Variants in RAB10 observed in about 807,000 individuals in gnomAD.
RAB10 encodes the protein RAB10, member RAS oncogene family, also known as ras-related protein Rab-10.
A neutral mutation model predicts 25.7 loss-of-function variants in RAB10; 5 were observed. The ratio of observed to expected loss-of-function variants is 0.19; its 90% CI spans 0.10 to 0.41. The LOEUF (loss-of-function observed/expected upper bound fraction) is 0.41, where lower values mean the gene tolerates loss of function less well. RAB10 is among the 10% of genes least tolerant of loss of function. The pLI is 1.00. For synonymous variants in RAB10, 89 were observed against 86.4 expected (o/e 1.03, Z -0.16); for missense variants, 103 against 245.8 (o/e 0.42, Z 3.89).
At chr2:26,099,216 G>GTTT (rs1667289690) in intron 2 of RAB10, among the ~76,000 whole-genome samples, 1 of 152,120 alleles carries the variant, frequency 6.6e-6, no homozygotes, top group East Asian at 1.9e-4. Context: ...CAGCAAATGT[G>GTTT]TATTATGTAT....
At chr2:26,095,172 AGTTGT>A (rs372152407) in intron 1 of RAB10, among the ~76,000 whole-genome samples, 317 of 152,180 alleles carry the variant, frequency 2.1e-3, no homozygotes, top group African/African-American at 7.4e-3. Context: ...GCCAGTGAAT[AGTTGT>A]GTTTTGTTTT....
At chr2:26,071,774 G>A (rs1387677637) in intron 1 of RAB10, among the ~76,000 whole-genome samples, 1 of 152,072 alleles carries the variant, frequency 6.6e-6, no homozygotes, top group Non-Finnish European at 1.5e-5. Flanking sequence ...GGCTGAAGCG[G>A]GAGGATTGTT....
At chr2:26,075,719 A>C (rs1199425232) in intron 1 of RAB10, among the ~76,000 whole-genome samples, 1 of 152,086 alleles carries the variant, frequency 6.6e-6, no homozygotes, top group African/African-American at 2.4e-5. Flanking sequence ...TGCACTAATA[A>C]ATTTGAAACA....
chr2:26,049,047 C>A (rs147060460), intron 1 of RAB10, among the ~76,000 whole-genome samples: 301 of 152,176 alleles, frequency 2.0e-3, no homozygotes, highest in African/African-American at 6.7e-3. Flanking sequence ...GTGGATCATG[C>A]TTTTGGTATT....
Position 26,135,064 on chromosome 2 carries a change from CTCT to C in RAB10, c.*48_*50del. The C allele has an allele frequency of 6.7e-7, 1 of 1,498,954 alleles. No homozygotes were observed. The highest frequency in any genetic ancestry group is 9.2e-7 in the Non-Finnish European group (1 of 1,084,498). The allele number at this position is 1,498,954 out of a possible 1,614,324, so 92.9% of individuals were successfully genotyped here. ...CAGTTGCCATCCACTACCCCGTTTT[CTCT>C]TCTTGCTGCAAAATAAACCACTCTG... On this transcript the variant is annotated 3_prime_UTR_variant, in exon 6 of 6. Coordinates refer to ENST00000264710, the MANE Select transcript of RAB10 (RefSeq NM_016131.5).
intron 5 of RAB10, among the ~76,000 whole-genome samples, chr2:26,130,281 A>G (rs1204539389): frequency 6.6e-6 from 1 of 152,130 alleles, no homozygotes; most frequent in African/African-American, 2.4e-5. Flanking sequence ...GAAGAATACA[A>G]CTAGGAAAAA....
chr2:26,092,932 TATGAGAAACATA>T (rs1308322490), intron 1 of RAB10, among the ~76,000 whole-genome samples: 1 of 152,148 alleles, frequency 6.6e-6, no homozygotes, highest in Non-Finnish European at 1.5e-5. Context: ...TTTGATTGTG[TATGAGAAACATA>T]ATGGGGCAAG....
At chr2:26,071,049 T>C (rs1666614782) in intron 1 of RAB10, among the ~76,000 whole-genome samples, 2 of 152,220 alleles carry the variant, frequency 1.3e-5, no homozygotes, top group African/African-American at 2.4e-5. Context: ...TTTACCACCA[T>C]GTACTCACAA....
At chr2:26,071,190 C>T (rs980262632) in intron 1 of RAB10, among the ~76,000 whole-genome samples, 1 of 152,136 alleles carries the variant, frequency 6.6e-6, no homozygotes, top group African/African-American at 2.4e-5. Context: ...AGCACTTCTG[C>T]CTCGTTTTGA....
chr2:26,034,531 C>T lies in RAB10; in HGVS notation c.-78C>T, dbSNP rs532797211. ...CCCGGTCCTCCGGCCTGAGAACGCCCGAGTGAGGAGTTGGCCGTAGTGAGA... is the reference window on the plus strand; with the variant it reads ...CCCGGTCCTCCGGCCTGAGAACGCCTGAGTGAGGAGTTGGCCGTAGTGAGA... On this transcript the variant is annotated 5_prime_UTR_variant, in exon 1 of 6. Coordinates refer to ENST00000264710, the MANE Select transcript of RAB10 (RefSeq NM_016131.5). 1 of 1,584,990 alleles carries T rather than the reference C, an allele frequency of 6.3e-7. No homozygotes were observed. The highest frequency in any genetic ancestry group is 8.6e-7 in the Non-Finnish European group (1 of 1,163,604).
At chr2:26,044,617 C>T (rs917967406) in intron 1 of RAB10, among the ~76,000 whole-genome samples, 7 of 151,802 alleles carry the variant, frequency 4.6e-5, no homozygotes, top group Non-Finnish European at 8.8e-5. Context: ...GTCATCTTGG[C>T]ACACTGCAAC....
intron 3 of RAB10, among the ~76,000 whole-genome samples, chr2:26,125,994 T>TA: frequency 6.6e-6 from 1 of 152,308 alleles, no homozygotes; most frequent in South Asian, 2.1e-4. Flanking sequence ...AAGAGTTTTA[T>TA]AGTTTGAGGT....
At chr2:26,034,817 A>G in intron 1 of RAB10, 82 bp downstream of exon 1, 1 of 1,555,366 alleles carries the variant, frequency 6.4e-7, no homozygotes. Context: ...TTCCCGTAAT[A>G]TACGCCTTTG....
At chr2:26,033,786 G>A (rs548573959), upstream of RAB10, among the ~76,000 whole-genome samples, 210 of 152,108 alleles carry the variant, frequency 1.4e-3, 1 homozygote, top group African/African-American at 4.9e-3. Flanking sequence ...GGAGCGGGAG[G>A]CGGGAGGCGG....
intron 1 of RAB10, among the ~76,000 whole-genome samples, chr2:26,083,652 G>A (rs540742811): frequency 1.1e-3 from 165 of 152,132 alleles, no homozygotes; most frequent in African/African-American, 3.5e-3. Context: ...CTAGTAGCTG[G>A]GATTACAGGT....
chr2:26,056,976 A>G (rs895282831), intron 1 of RAB10, among the ~76,000 whole-genome samples: 2 of 152,208 alleles, frequency 1.3e-5, no homozygotes, highest in Non-Finnish European at 2.9e-5. Flanking sequence ...ATAAGCTTGT[A>G]CTTTGCTATA....
rs1309362766 is a variant in RAB10 at position 26,034,363 on chromosome 2, C to T, written c.-246C>T. On this transcript the variant is annotated 5_prime_UTR_variant, in exon 1 of 6. Transcript: ENST00000264710. Reference sequence around the variant, plus strand: ...GGAGGCCATTTTGTCCCGACCGACTCCCCGGAACCGGGCGGACGGGCTGGG... The same window carrying T: ...GGAGGCCATTTTGTCCCGACCGACTTCCCGGAACCGGGCGGACGGGCTGGG... The T allele has an allele frequency of 3.4e-6, 2 of 592,968 alleles. No homozygotes were observed. Among genetic ancestry groups the T allele is most frequent in the Non-Finnish European group, 6.0e-6 (2 of 334,184 alleles). 36.7% of individuals were successfully genotyped at this position (592,968 alleles called of 1,614,324 possible).
intron 5 of RAB10, among the ~76,000 whole-genome samples, chr2:26,128,487 C>G (rs923070151): frequency 6.6e-6 from 1 of 152,172 alleles, no homozygotes; most frequent in Non-Finnish European, 1.5e-5. Flanking sequence ...ATTCTGAGCT[C>G]CACAGTCACT....
chr2:26,109,253 G>A (rs909355551), intron 2 of RAB10, among the ~76,000 whole-genome samples: 1 of 152,070 alleles, frequency 6.6e-6, no homozygotes, highest in Non-Finnish European at 1.5e-5. Flanking sequence ...ATGTTTGTAA[G>A]CTGATGAGAT....
Sources: allele counts gnomAD v4.1 joint callset (sites outside exome capture counted in the v4.1 genomes callset), GRCh38; gene constraint gnomAD v4.1.1; transcripts MANE v1.5; gene names NCBI Gene and HGNC (gene_info 2026-07-23, HGNC 2026-07-21).